The following ATF6 variants were observed in gnomAD, a reference collection of about 807,000 sequenced individuals.
The protein encoded by ATF6 is cyclic AMP-dependent transcription factor ATF-6 alpha.
A neutral mutation model predicts 83.6 loss-of-function variants in ATF6; 53 were observed. That is an observed-to-expected ratio of 0.63 (90% CI 0.51 to 0.80). The LOEUF (loss-of-function observed/expected upper bound fraction) is 0.80, where lower values mean the gene tolerates loss of function less well. Among genes scored for constraint, ATF6 ranks in the 30% least tolerant of loss-of-function variants. The probability of loss-of-function intolerance (pLI) is 0.00; values close to 1 mark genes in which losing one functional copy is unlikely to be tolerated. For synonymous variants in ATF6, 288 were observed against 285.8 expected, an observed-to-expected ratio of 1.01 and a Z score of -0.08; for missense variants, 744 against 797.9, an observed-to-expected ratio of 0.93 and a Z score of 0.81.
intron 9 of ATF6, 88 bp from the exon 10 acceptor site, chr1:161,846,333 TTTTGTTACGTGCATGGATCTGCAAAGGA>T: frequency 8.5e-7 from 1 of 1,176,470 alleles, no homozygotes; most frequent in Non-Finnish European, 1.2e-6. Context: ...TGCCTAGCAT[TTTTGTTACGTGCATGGATCTGCAAAGGA>T]ATTGTGGTTT....
chr1:161,896,463 A>G (rs1227632400), intron 14 of ATF6, among the ~76,000 whole-genome samples: 1 of 152,208 alleles, frequency 6.6e-6, no homozygotes, highest in Non-Finnish European at 1.5e-5. Flanking sequence ...TGAGTCTTCA[A>G]GTCAGTAGCA....
chr1:161,917,634 A>G (rs1011520089), intron 15 of ATF6, among the ~76,000 whole-genome samples: 1 of 152,068 alleles, frequency 6.6e-6, no homozygotes, highest in Admixed American at 6.6e-5. Flanking sequence ...GTTAGCCAGG[A>G]TGGTTTCGAT....
intron 7 of ATF6, among the ~76,000 whole-genome samples, chr1:161,805,226 T>A (rs1685250437): frequency 6.6e-6 from 1 of 152,080 alleles, no homozygotes; most frequent in Admixed American, 6.5e-5. Context: ...TTAGTCTTTA[T>A]CTTTTTTCAT....
At position 161,812,156 on chromosome 1, in the gene ATF6, A is replaced by G. The variant is rs1165510105; in HGVS notation, c.910-7477A>G. On this transcript the variant is annotated intron_variant, in intron 7 of 15. Transcript: ENST00000367942. Reference sequence around the variant, plus strand: ...CATAACTTGTAAATACTCTCTTTAAATCTTATAACAGCTCTTTGAAATGAA... The same window carrying G: ...CATAACTTGTAAATACTCTCTTTAAGTCTTATAACAGCTCTTTGAAATGAA... Among the ~76,000 whole-genome samples the G allele has an allele frequency of 2.6e-5, 4 of 152,062 alleles. No homozygotes were observed. In the East Asian group the frequency reaches 7.7e-4, roughly 29 times the overall value.
At chr1:161,775,189 C>G (rs1408630172) in intron 1 of ATF6, among the ~76,000 whole-genome samples, 3 of 152,096 alleles carry the variant, frequency 2.0e-5, no homozygotes, top group Non-Finnish European at 4.4e-5. Flanking sequence ...GTTCCTATGC[C>G]ATCATATCAT....
rs117369582 is a variant in ATF6 at position 161,865,884 on chromosome 1, A to G, written c.1719+2572A>G. Among the ~76,000 whole-genome samples the G allele has an allele frequency of 2.6e-5, 4 of 152,282 alleles. No homozygotes were observed. In the East Asian group the frequency reaches 7.7e-4, roughly 29 times the overall value. Reference sequence around the variant, plus strand: ...TGATGACTGTAAACTATGTTATGGGACAGGAATTTTGTTCTTTAATACCTG... The same window carrying G: ...TGATGACTGTAAACTATGTTATGGGGCAGGAATTTTGTTCTTTAATACCTG... On this transcript the variant is annotated intron_variant, in intron 14 of 15. Coordinates refer to ENST00000367942, the MANE Select transcript of ATF6 (RefSeq NM_007348.4).
Position 161,842,121 on chromosome 1 carries a change from C to T in ATF6, c.1188-4328C>T, listed in dbSNP as rs117518604. Among the ~76,000 whole-genome samples the T allele has an allele frequency of 6.2e-4, 95 of 152,190 alleles. 1 individual carries two copies. In the East Asian group the frequency reaches 0.013, roughly 21 times the overall value. On this transcript the variant is annotated intron_variant, in intron 9 of 15. Transcript: ENST00000367942. ...TAGCCACTTTGTACTTTTTCATGTC[C>T]CTCCAAACTCCCCCAGTCCCTATTT...
At chr1:161,867,500 A>C (rs150673450) in intron 14 of ATF6, among the ~76,000 whole-genome samples, 185 of 152,342 alleles carry the variant, frequency 1.2e-3, no homozygotes, top group African/African-American at 4.2e-3. Context: ...TATTATTTCA[A>C]TACACATTTA....
At chr1:161,853,126 C>A in intron 11 of ATF6, 98 bp from the exon 12 acceptor site, 3 of 852,948 alleles carry the variant, frequency 3.5e-6, no homozygotes, top group South Asian at 3.7e-5. Context: ...CTCTTTGGAA[C>A]CTACAAATGA....
chr1:161,912,760 A>G (rs1363712904), intron 15 of ATF6, among the ~76,000 whole-genome samples: 1 of 152,158 alleles, frequency 6.6e-6, no homozygotes, highest in Non-Finnish European at 1.5e-5. Context: ...CTAAATGTTG[A>G]TATCATCCTA....
chr1:161,767,588 T>C (rs940347120), intron 1 of ATF6, among the ~76,000 whole-genome samples: 2 of 152,170 alleles, frequency 1.3e-5, no homozygotes, highest in African/African-American at 4.8e-5. Context: ...TGAGGTACTG[T>C]TTATTTTAGA....
chr1:161,946,662 T>C (rs1688754190), intron 15 of ATF6, among the ~76,000 whole-genome samples: 1 of 152,230 alleles, frequency 6.6e-6, no homozygotes, highest in Non-Finnish European at 1.5e-5. Context: ...GCAGTGTTTG[T>C]TATCTTCACA....
chr1:161,920,961 T>TAAA (rs1357709133), intron 15 of ATF6, among the ~76,000 whole-genome samples: 1 of 151,616 alleles, frequency 6.6e-6, no homozygotes, highest in Non-Finnish European at 1.5e-5. Flanking sequence ...ATTTGGAGTC[T>TAAA]TTTTAGTAAG....
intron 15 of ATF6, among the ~76,000 whole-genome samples, chr1:161,917,978 A>G (rs914387628): frequency 1.3e-5 from 2 of 152,212 alleles, no homozygotes; most frequent in Non-Finnish European, 2.9e-5. Flanking sequence ...CAAGATTTAC[A>G]TACATTGTAT....
chr1:161,892,588 T>A (rs1437487698), intron 14 of ATF6, among the ~76,000 whole-genome samples: 1 of 151,856 alleles, frequency 6.6e-6, no homozygotes. Flanking sequence ...TTTCTTAAAG[T>A]CCCTCATTAG....
intron 15 of ATF6, among the ~76,000 whole-genome samples, chr1:161,943,942 T>C (rs1688699699): frequency 6.6e-6 from 1 of 152,224 alleles, no homozygotes; most frequent in East Asian, 1.9e-4. Context: ...AGGGCTTTCA[T>C]CTGTTTTGTT....
intron 9 of ATF6, among the ~76,000 whole-genome samples, chr1:161,839,260 A>G (rs763297471): frequency 2.0e-5 from 3 of 152,254 alleles, no homozygotes; most frequent in Non-Finnish European, 2.9e-5. Context: ...AAACATAAGT[A>G]AAATGAGAAA....
intron 9 of ATF6, among the ~76,000 whole-genome samples, chr1:161,829,072 A>G (rs1444027891): frequency 6.6e-6 from 1 of 152,206 alleles, no homozygotes; most frequent in Non-Finnish European, 1.5e-5. Flanking sequence ...CAATTCAACA[A>G]GAAGAGCTAA....
chr1:161,809,171 T>C (rs1276747871), intron 7 of ATF6, among the ~76,000 whole-genome samples: 2 of 152,196 alleles, frequency 1.3e-5, no homozygotes, highest in East Asian at 3.8e-4. Context: ...ATTAGGTATA[T>C]CTCCTAATGC....
Sources: gnomAD v4.1 joint callset for allele counts (sites outside exome capture counted in the v4.1 genomes callset) on GRCh38, gnomAD v4.1.1 for gene constraint, MANE v1.5 for transcripts, NCBI Gene and HGNC (gene_info 2026-07-23, HGNC 2026-07-21) for gene names.